PPP2R2B: variants seen among roughly 807,000 people sequenced by gnomAD.
PPP2R2B encodes the protein protein phosphatase 2 regulatory subunit Bbeta.
A neutral mutation model predicts 46.0 loss-of-function variants in PPP2R2B; 5 were observed. That is an observed-to-expected ratio of 0.11 (90% CI 0.06 to 0.23). The LOEUF (loss-of-function observed/expected upper bound fraction) is 0.23. Among genes scored for constraint, PPP2R2B ranks in the 10% least tolerant of loss-of-function variants. PPP2R2B has a pLI of 1.00. For synonymous variants in PPP2R2B, 215 were observed against 206.7 expected (o/e 1.04, Z -0.34); for missense variants, 367 against 575.0 (o/e 0.64, Z 3.70).
intron 1 of PPP2R2B, among the ~76,000 whole-genome samples, chr5:146,998,695 C>T (rs766418906): frequency 1.3e-5 from 2 of 152,102 alleles, no homozygotes; most frequent in Non-Finnish European, 2.9e-5. Flanking sequence ...GGTTTTTGAA[C>T]TATTTTTGTT....
At chr5:146,693,372 G>A (rs191387842) in intron 4 of PPP2R2B, among the ~76,000 whole-genome samples, 58 of 151,930 alleles carry the variant, frequency 3.8e-4, no homozygotes, top group African/African-American at 1.3e-3. Flanking sequence ...ATGCCACCAC[G>A]CCCAGAGAAT....
chr5:146,700,876 G>A (rs1315620166), intron 3 of PPP2R2B, among the ~76,000 whole-genome samples, 169 bp downstream of exon 3: 1 of 152,134 alleles, frequency 6.6e-6, no homozygotes, highest in Non-Finnish European at 1.5e-5. Context: ...CTTTTACAGG[G>A]CTTTTATGAG....
chr5:146,663,696 A>G (rs893548216), intron 5 of PPP2R2B, among the ~76,000 whole-genome samples: 1 of 152,202 alleles, frequency 6.6e-6, no homozygotes, highest in African/African-American at 2.4e-5. Flanking sequence ...GCTAAATAAT[A>G]CTAATGATCA....
intron 1 of PPP2R2B, among the ~76,000 whole-genome samples, chr5:146,934,255 A>C (rs929669438): frequency 5.2e-4 from 79 of 151,860 alleles, no homozygotes; most frequent in African/African-American, 1.7e-3. Context: ...AGGAATCGCC[A>C]CACTGACTTC....
chr5:146,633,325 G>A (rs1774564702), intron 7 of PPP2R2B, among the ~76,000 whole-genome samples: 1 of 152,210 alleles, frequency 6.6e-6, no homozygotes, highest in African/African-American at 2.4e-5. Context: ...AGCCAATGTT[G>A]CTTTTCATTT....
At chr5:146,735,066 G>A (rs530244032) in intron 2 of PPP2R2B, among the ~76,000 whole-genome samples, 3 of 152,166 alleles carry the variant, frequency 2.0e-5, no homozygotes, top group Non-Finnish European at 2.9e-5. Context: ...AGGTGGAATT[G>A]CTTTGAATTT....
chr5:146,845,868 G>T (rs562678477), intron 2 of PPP2R2B, among the ~76,000 whole-genome samples: 15 of 152,188 alleles, frequency 9.9e-5, no homozygotes, highest in Non-Finnish European at 1.6e-4. Flanking sequence ...GACTAACTTT[G>T]GGAGCTCCAG....
intron 5 of PPP2R2B, among the ~76,000 whole-genome samples, chr5:146,688,870 A>T (rs1561834333): frequency 6.6e-6 from 1 of 152,094 alleles, no homozygotes; most frequent in Non-Finnish European, 1.5e-5. Context: ...GTCTGGGCAG[A>T]AGTTCACGGT....
intron 1 of PPP2R2B, among the ~76,000 whole-genome samples, chr5:146,896,628 A>G (rs1255814501): frequency 1.3e-5 from 2 of 152,196 alleles, no homozygotes; most frequent in African/African-American, 4.8e-5. Context: ...GATCTTACAA[A>G]ATGATAAATA....
intron 2 of PPP2R2B, among the ~76,000 whole-genome samples, chr5:146,729,315 A>T (rs1752085147): frequency 6.6e-6 from 1 of 152,250 alleles, no homozygotes; most frequent in South Asian, 2.1e-4. Flanking sequence ...GCAGCAAAGC[A>T]TTCAAGAGGT....
At chr5:147,079,802 G>A (rs1488270948) in intron 2 of PPP2R2B, among the ~76,000 whole-genome samples, 1 of 151,862 alleles carries the variant, frequency 6.6e-6, no homozygotes, top group Non-Finnish European at 1.5e-5. Context: ...AATATCATAT[G>A]GTATCTCTCA....
At chr5:146,900,334 A>G (rs1561505301) in intron 1 of PPP2R2B, among the ~76,000 whole-genome samples, 1 of 152,158 alleles carries the variant, frequency 6.6e-6, no homozygotes, top group Non-Finnish European at 1.5e-5. Flanking sequence ...AGGCCAGCTC[A>G]TAGGGAAAAG....
At chr5:146,890,163 G>A (rs991156265) in intron 1 of PPP2R2B, among the ~76,000 whole-genome samples, 9 of 152,192 alleles carry the variant, frequency 5.9e-5, no homozygotes, top group East Asian at 1.9e-4. Flanking sequence ...GTGTCAAGGG[G>A]AGAAATTACT....
At chr5:146,966,249 A>G (rs1243436083) in intron 1 of PPP2R2B, among the ~76,000 whole-genome samples, 16 of 152,156 alleles carry the variant, frequency 1.1e-4, no homozygotes. Flanking sequence ...TAGTGGATGA[A>G]TTGGTCACAT....
chr5:146,833,887 A>G (rs963171879), intron 2 of PPP2R2B, among the ~76,000 whole-genome samples: 4 of 152,182 alleles, frequency 2.6e-5, no homozygotes, highest in African/African-American at 7.2e-5. Context: ...TTGTTTTCAC[A>G]TAACACTGCA....
intron 1 of PPP2R2B, among the ~76,000 whole-genome samples, chr5:147,040,081 C>A (rs2151896301): frequency 6.6e-6 from 1 of 152,198 alleles, no homozygotes; most frequent in South Asian, 2.1e-4. Context: ...AGCTAAAATT[C>A]ATGGAGTGAA....
At chr5:146,875,395 G>A (rs1466645186) in intron 2 of PPP2R2B, among the ~76,000 whole-genome samples, 3 of 152,142 alleles carry the variant, frequency 2.0e-5, no homozygotes, top group African/African-American at 7.2e-5. Context: ...GAAAGACAGA[G>A]AGAGAGAAAG....
intron 2 of PPP2R2B, among the ~76,000 whole-genome samples, chr5:146,811,888 G>A (rs776403690): frequency 1.3e-5 from 2 of 151,854 alleles, no homozygotes; most frequent in Non-Finnish European, 2.9e-5. Flanking sequence ...TGTATTATCT[G>A]TCACTATCAC....
intron 1 of PPP2R2B, among the ~76,000 whole-genome samples, chr5:146,890,424 T>C (rs954949060): frequency 1.3e-5 from 2 of 152,182 alleles, no homozygotes; most frequent in Non-Finnish European, 2.9e-5. Context: ...CTCTCTTTCT[T>C]TGGAGGAAAT....
Sources: allele counts gnomAD v4.1 joint callset (sites outside exome capture counted in the v4.1 genomes callset), GRCh38; gene constraint gnomAD v4.1.1; transcripts MANE v1.5; gene names NCBI Gene and HGNC (gene_info 2026-07-23, HGNC 2026-07-21).